The following DISP3 variants were observed in gnomAD, a reference collection of about 807,000 sequenced individuals.
DISP3 encodes protein dispatched homolog 3.
A neutral mutation model predicts 135.3 loss-of-function variants in DISP3; 101 were observed. The ratio of observed to expected loss-of-function variants is 0.75; its 90% CI spans 0.64 to 0.88. The LOEUF is 0.88. DISP3 is among the 40% of genes least tolerant of loss of function. The pLI, the probability that DISP3 is intolerant of heterozygous loss-of-function variation, is 0.00. For missense variants in DISP3, 1,713 were observed against 1,878.6 expected (o/e 0.91, Z 1.63); for synonymous variants, 856 against 817.0 (o/e 1.05, Z -0.81).
chr1:11,522,196 C>T (rs1424224878), intron 10 of DISP3, among the ~76,000 whole-genome samples: 1 of 152,156 alleles, frequency 6.6e-6, no homozygotes, highest in Admixed American at 6.5e-5. Flanking sequence ...TTTGCCAGGG[C>T]AGTTAGAAAC....
At chr1:11,481,147 T>C (rs1017599681) in intron 1 of DISP3, 3 of 152,538 alleles carry the variant, frequency 2.0e-5, no homozygotes, top group African/African-American at 7.3e-5. Flanking sequence ...TTCACTTCTC[T>C]CCCCAACTTT....
chr1:11,522,772 A>AGCCAGAG (rs1642266123), intron 10 of DISP3, among the ~76,000 whole-genome samples: 1 of 14,962 alleles, frequency 6.7e-5, no homozygotes, highest in Non-Finnish European at 1.4e-4. Flanking sequence ...CCCAGCCAGG[A>AGCCAGAG]CCCAGCCAGG....
chr1:11,525,789 G>A (rs1642398575), intron 12 of DISP3, among the ~76,000 whole-genome samples: 1 of 152,116 alleles, frequency 6.6e-6, no homozygotes, highest in Admixed American at 6.5e-5. Context: ...CTTCATGGGA[G>A]TCATTTGTGT....
At chr1:11,512,116 G>A (rs1641872171) in intron 3 of DISP3, among the ~76,000 whole-genome samples, 1 of 152,194 alleles carries the variant, frequency 6.6e-6, no homozygotes, top group South Asian at 2.1e-4. Context: ...TCAGGCCTCT[G>A]ATGGGAGGGG....
chr1:11,519,263 AC>A lies in DISP3; in HGVS notation c.1890-90del. 7.0e-7 allele frequency: 1 copy of A among 1,421,200 alleles called. No individual in the cohort carries two copies. Among genetic ancestry groups the A allele is most frequent in the Middle Eastern group, 2.2e-4 (1 of 4,584 alleles). 88.0% of individuals were successfully genotyped at this position (1,421,200 alleles called of 1,614,324 possible). ...TGTGTGACGTCAGCAGCACTGTGAT[AC>A]CTGGGTTCATCTGATCCTCAGGGCC... is the stretch of plus-strand genomic sequence containing the variant. On this transcript the variant is annotated intron_variant, in intron 7 of 20. Coordinates refer to ENST00000294484, the MANE Select transcript of DISP3 (RefSeq NM_020780.2). This position sits in a 1 kb window ranked among gnomAD's most constrained non-coding sequence, Gnocchi z 4.3.
chr1:11,480,927 CA>C (rs397860320), intron 1 of DISP3, among the ~76,000 whole-genome samples: 2 of 112,012 alleles, frequency 1.8e-5, no homozygotes, highest in Non-Finnish European at 3.4e-5. Flanking sequence ...CTCTCTACCT[CA>C]ATACTCACTC....
chr1:11,493,553 G>A (rs1350297025), intron 1 of DISP3, among the ~76,000 whole-genome samples: 4 of 151,908 alleles, frequency 2.6e-5, no homozygotes, highest in South Asian at 4.2e-4. Context: ...GCGAAACCCC[G>A]TCTCTACTAA....
intron 3 of DISP3, among the ~76,000 whole-genome samples, chr1:11,510,295 C>T (rs1641822847): frequency 6.6e-6 from 1 of 151,944 alleles, no homozygotes; most frequent in East Asian, 1.9e-4. Flanking sequence ...TTTTATGATT[C>T]TATTTTATCT....
chr1:11,519,626 T>G lies in DISP3; in HGVS notation c.2039-93T>G, dbSNP rs1471404877. Reference sequence around the variant, plus strand: ...GGCCGGACAAGATGGCCTGTGGGCTTCCTCACCAGGCATCTGGGCTTCCCT... The same window carrying G: ...GGCCGGACAAGATGGCCTGTGGGCTGCCTCACCAGGCATCTGGGCTTCCCT... On this transcript the variant is annotated intron_variant, in intron 8 of 20. Coordinates refer to ENST00000294484, the MANE Select transcript of DISP3 (RefSeq NM_020780.2). The surrounding 1 kb of genome is among the most constrained non-coding windows in gnomAD (Gnocchi z 4.3). The G allele has an allele frequency of 6.4e-7, 1 of 1,569,626 alleles. No homozygotes were observed. Among genetic ancestry groups the G allele is most frequent in the Non-Finnish European group, 8.6e-7 (1 of 1,156,770 alleles).
At chr1:11,522,138 G>C (rs576442538) in intron 10 of DISP3, among the ~76,000 whole-genome samples, 2 of 152,172 alleles carry the variant, frequency 1.3e-5, no homozygotes, top group African/African-American at 4.8e-5. Flanking sequence ...GGCCCAGGCC[G>C]CATTTTACAG....
chr1:11,515,500 A>G lies in DISP3; in HGVS notation c.1585A>G (p.Ile529Val). Residue 529 changes from isoleucine (I) to valine (V), a missense_variant, in exon 5 of 21, where the codon ATT becomes GTT. Ile to Val is a conservative substitution (Grantham distance 29, BLOSUM62 3). Around this residue, in one of 2 missense-constraint regions of DISP3, gnomAD observed 1,142 missense variants for 1,384.6 expected, o/e 0.82. Transcript: ENST00000294484. Reference sequence around the variant, plus strand: ...GGTGGCCGCCTTCGTGATCGTGGGCATTGGTGAGTCGCCTCTGTTGTCATG... The same window carrying G: ...GGTGGCCGCCTTCGTGATCGTGGGCGTTGGTGAGTCGCCTCTGTTGTCATG... The part of the protein sequence containing the change: ...NGVAAFVIVG[I>V]GVDDVFVFIN... 2 of 1,603,544 alleles carry G rather than the reference A, an allele frequency of 1.2e-6. No homozygotes were observed. The highest frequency in any genetic ancestry group is 8.5e-7 in the Non-Finnish European group (1 of 1,174,848).
At chr1:11,517,668 G>A in intron 7 of DISP3, 66 bp downstream of exon 7, 1 of 1,567,764 alleles carries the variant, frequency 6.4e-7, no homozygotes, top group Non-Finnish European at 8.7e-7. Flanking sequence ...GCCACTCAGT[G>A]CAGCAACCTC....
At chr1:11,514,549 C>T in intron 4 of DISP3, 23 bp downstream of exon 4, 3 of 1,607,058 alleles carry the variant, frequency 1.9e-6, no homozygotes, top group Non-Finnish European at 2.6e-6. Context: ...TCAAGCCAGC[C>T]CCCTCCTCCC....
intron 15 of DISP3, among the ~76,000 whole-genome samples, chr1:11,530,670 G>C (rs1441433747): frequency 1.3e-5 from 2 of 152,086 alleles, no homozygotes; most frequent in Non-Finnish European, 2.9e-5. Flanking sequence ...GGGAAGGGGA[G>C]GAGGTGAAAC....
intron 1 of DISP3, among the ~76,000 whole-genome samples, chr1:11,493,115 A>C (rs1393825042): frequency 6.6e-6 from 1 of 152,172 alleles, no homozygotes; most frequent in Non-Finnish European, 1.5e-5. Flanking sequence ...GGAGGCTGAG[A>C]AGCCCCAAGA....
At chr1:11,526,542 G>A in intron 12 of DISP3, 109 bp from the exon 13 acceptor site, 1 of 1,290,766 alleles carries the variant, frequency 7.7e-7, no homozygotes, top group East Asian at 2.3e-5. Context: ...TCCGAGGACT[G>A]GGACAGGGTG....
chr1:11,515,436 C>T lies in DISP3; in HGVS notation c.1521C>T (p.His507=), dbSNP rs753461869. The change falls in exon 5 of 21, where the codon CAC becomes CAT. Residue 507 remains histidine (H), a synonymous_variant. Transcript: ENST00000294484. ...GCCTGGTGGCCCTCTTCCTGTACCA[C>T]GTGGTCTTTGGTATCCAGTACTTGG... is the stretch of plus-strand genomic sequence containing the variant. ...LSCLVALFLY[H]VVFGIQYLGI... is the part of the protein sequence containing the mutation. 1.1e-5 allele frequency: 18 copies of T among 1,613,878 alleles called. No homozygotes were observed. Among genetic ancestry groups the T allele is most frequent in the East Asian group, 2.2e-5 (1 of 44,904 alleles).
chr1:11,489,150 G>C (rs962141876), intron 1 of DISP3, among the ~76,000 whole-genome samples: 5 of 152,210 alleles, frequency 3.3e-5, no homozygotes, highest in African/African-American at 1.2e-4. Context: ...AAGGTTCTCT[G>C]TTCCTTCCCA....
rs368806448 is a variant in DISP3 at position 11,501,174 on chromosome 1, G to A, written c.182G>A (p.Trp61Ter). The change falls in exon 2 of 21, where the codon TGG becomes TAG. Residue 61 changes from tryptophan to a stop codon, truncating the protein, a stop_gained. Transcript: ENST00000294484. LOFTEE classifies it high-confidence loss of function. This position sits in a 1 kb window ranked among gnomAD's most constrained non-coding sequence, Gnocchi z 4.9. ...LASRPPASGF[W>*]STLGWAFTNP... is the part of the protein sequence containing the mutation. ...TCCCGACCCCCAGCTTCGGGCTTCT[G>A]GAGTACCCTGGGCTGGGCCTTCACC... The A allele has an allele frequency of 3.7e-6, 6 of 1,613,930 alleles. No homozygotes were observed. Among genetic ancestry groups the A allele is most frequent in the South Asian group, 1.1e-5 (1 of 91,072 alleles).
Sources: gnomAD v4.1 joint callset for allele counts (sites outside exome capture counted in the v4.1 genomes callset) on GRCh38, gnomAD v4.1.1 for gene constraint, gnomAD v4.1.1 regional missense constraint, Gnocchi (gnomAD v3.1) non-coding constraint, MANE v1.5 for transcripts, NCBI Gene and HGNC (gene_info 2026-07-23, HGNC 2026-07-21) for gene names.